MYSM1: variants seen among roughly 807,000 people sequenced by gnomAD.
MYSM1 encodes the protein Myb like, SWIRM and MPN domains 1.
MYSM1 carries 51 observed loss-of-function variants against 116.0 expected under a neutral mutation model. That is an observed-to-expected ratio of 0.44 (90% CI 0.35 to 0.56). The LOEUF is 0.56. Among genes scored for constraint, MYSM1 ranks in the 20% least tolerant of loss-of-function variants. MYSM1 has a pLI of 0.00. For synonymous variants in MYSM1, 313 were observed against 315.2 expected (o/e 0.99, Z 0.07); for missense variants, 900 against 974.9 (o/e 0.92, Z 1.02).
At chr1:58,668,332 G>A in intron 14 of MYSM1, 1 of 756,434 alleles carries the variant, frequency 1.3e-6, no homozygotes, top group Non-Finnish European at 1.7e-6. Context: ...CCAAATTACA[G>A]GAGTTGTGCT....
chr1:58,672,255 T>C (rs1644573140), intron 11 of MYSM1, among the ~76,000 whole-genome samples: 1 of 152,120 alleles, frequency 6.6e-6, no homozygotes, highest in Non-Finnish European at 1.5e-5. Flanking sequence ...GTCTTTTATT[T>C]CCCATTTCTA....
Position 58,691,634 on chromosome 1 carries a change from G to A in MYSM1, c.219-1217C>T, listed in dbSNP as rs141425979. 6.7e-3 allele frequency among the ~76,000 whole-genome samples: 1,016 copies of A among 152,206 alleles called. 6 individuals carry two copies. Among genetic ancestry groups the A allele is most frequent in the East Asian group, 0.019 (100 of 5,154 alleles). The stretch of plus-strand genomic sequence containing the variant: ...TGTAATCCCAGCACTTTGGGAGGCC[G>A]AAGCAGGTAGATCCCGAGGTCAGGA... On this transcript the variant is annotated intron_variant, in intron 3 of 19. Transcript: ENST00000472487.
At chr1:58,674,767 T>A (rs1423625748) in intron 10 of MYSM1, among the ~76,000 whole-genome samples, 2 of 151,504 alleles carry the variant, frequency 1.3e-5, no homozygotes, top group Non-Finnish European at 1.5e-5. Context: ...CTACTAAAAA[T>A]ACAAAAAAAA....
In MYSM1 at chr1:58,677,025, T is replaced by C. The variant is rs1389829182; in HGVS notation, c.1291A>G (p.Thr431Ala). Residue 431 changes from threonine to alanine, a missense_variant, in exon 9 of 20, where the codon ACC becomes GCC. Physicochemically the swap from Thr to Ala is moderately conservative, Grantham distance 58. Coordinates refer to ENST00000472487, the MANE Select transcript of MYSM1 (RefSeq NM_001085487.3). ...EICKPKYLNK[T>A]SVRPGLKNCG... ...TTCTTCAGGCCAGGACGTACTGAGG[T>C]CTTATTTAAGTATTTTGGTTTGCAT... The C allele has an allele frequency of 1.9e-6, 3 of 1,606,794 alleles. No homozygotes were observed. Among genetic ancestry groups the C allele is most frequent in the Non-Finnish European group, 2.5e-6 (3 of 1,176,552 alleles).
Position 58,677,663 on chromosome 1 carries a change from C to T in MYSM1, c.1260-607G>A, listed in dbSNP as rs12064978. On this transcript the variant is annotated intron_variant, in intron 8 of 19. Transcript: ENST00000472487. ...AATAAGAGGTTTATATAATAAAACA[C>T]GTATTTATTGAATATACTTAATGTA... Among the ~76,000 whole-genome samples the T allele has an allele frequency of 6.4e-3, 970 of 152,030 alleles. 14 individuals carry two copies. The highest frequency in any genetic ancestry group is 0.022 in the African/African-American group (909 of 41,478).
Position 58,682,201 on chromosome 1 carries a change from T to C in MYSM1, c.843A>G (p.Gln281=). Residue 281 remains glutamine (Q), a synonymous_variant, in exon 8 of 20, where the codon CAA becomes CAG. Transcript: ENST00000472487. ...AAAGTGTTTCATCTTGCTTTTCATTTTGAAGACAGCCCCTGGAAGACTTAG... is the reference window on the plus strand; with the variant it reads ...AAAGTGTTTCATCTTGCTTTTCATTCTGAAGACAGCCCCTGGAAGACTTAG... The part of the protein sequence containing the change: ...LFSKSSRGCL[Q]NEKQDETLSS... 6.2e-7 allele frequency: 1 copy of C among 1,613,040 alleles called. No individual in the cohort carries two copies. Among genetic ancestry groups the C allele is most frequent in the Non-Finnish European group, 8.5e-7 (1 of 1,179,088 alleles).
chr1:58,672,350 A>G (rs956600722), intron 11 of MYSM1, among the ~76,000 whole-genome samples: 1 of 152,118 alleles, frequency 6.6e-6, no homozygotes, highest in Non-Finnish European at 1.5e-5. Context: ...CTGGATCTAG[A>G]ATGTCTGGCC....
intron 10 of MYSM1, among the ~76,000 whole-genome samples, chr1:58,675,228 A>G (rs965454542): frequency 5.9e-5 from 9 of 152,216 alleles, no homozygotes; most frequent in South Asian, 2.1e-4. Context: ...AGACCACTTT[A>G]GGAAAACATT....
intron 1 of MYSM1, among the ~76,000 whole-genome samples, chr1:58,698,378 G>C (rs1330861928): frequency 1.3e-5 from 2 of 151,718 alleles, no homozygotes; most frequent in South Asian, 2.1e-4. Flanking sequence ...GGGATTACAG[G>C]CGTGAGCCAC....
chr1:58,671,347 T>C (rs761737805), intron 12 of MYSM1, among the ~76,000 whole-genome samples: 9 of 152,166 alleles, frequency 5.9e-5, no homozygotes, highest in Non-Finnish European at 1.2e-4. Flanking sequence ...CAGGCAAAAA[T>C]ATGATCTAGT....
In MYSM1 at chr1:58,682,191, G is replaced by C; in HGVS notation, c.853C>G (p.Gln285Glu). 2 of 1,612,766 alleles carry C rather than the reference G, an allele frequency of 1.2e-6. No homozygotes were observed. Among genetic ancestry groups the C allele is most frequent in the Admixed American group, 1.7e-5 (1 of 59,960 alleles). Residue 285 changes from glutamine to glutamate, a missense_variant, in exon 8 of 20, where the codon CAA (glutamine) becomes GAA (glutamate). By Grantham distance (29) the Gln-to-Glu change is conservative. This residue lies in a region of MYSM1 where 622 missense variants were observed against 623.7 expected (regional missense o/e 1.00). Coordinates refer to ENST00000472487, the MANE Select transcript of MYSM1 (RefSeq NM_001085487.3). The stretch of plus-strand genomic sequence containing the variant: ...TCTGAGCTTGAAAGTGTTTCATCTT[G>C]CTTTTCATTTTGAAGACAGCCCCTG... ...SSRGCLQNEK[Q>E]DETLSSSEIT...
At chr1:58,661,945 G>T (rs527999398) in intron 17 of MYSM1, among the ~76,000 whole-genome samples, 1 of 150,854 alleles carries the variant, frequency 6.6e-6, no homozygotes, top group South Asian at 2.1e-4. Flanking sequence ...AGGTTATTAA[G>T]CTTACAACAA....
intron 10 of MYSM1, among the ~76,000 whole-genome samples, chr1:58,674,599 T>G (rs534226366): frequency 2.0e-4 from 31 of 152,330 alleles, no homozygotes; most frequent in Admixed American, 5.9e-4. Context: ...TTAGTAAAAC[T>G]AACAGGATCA....
chr1:58,673,441 A>G (rs1644594598), intron 11 of MYSM1, 132 bp downstream of exon 11: 1 of 753,842 alleles, frequency 1.3e-6, no homozygotes, highest in South Asian at 1.8e-5. Context: ...TGACTTCCAG[A>G]CAAATTAACA....
chr1:58,661,310 T>C, intron 18 of MYSM1, 83 bp from the exon 19 acceptor site: 1 of 1,326,476 alleles, frequency 7.5e-7, no homozygotes, highest in Non-Finnish European at 1.1e-6. Flanking sequence ...ACGGATGCCA[T>C]ACATCACAAT....
intron 8 of MYSM1, among the ~76,000 whole-genome samples, chr1:58,677,622 C>T (rs1644674152): frequency 6.6e-6 from 1 of 151,846 alleles, no homozygotes; most frequent in African/African-American, 2.4e-5. Flanking sequence ...AAGAAACTCC[C>T]AAAGATTATG....
At chr1:58,664,299 A>G (rs988353079) in intron 17 of MYSM1, among the ~76,000 whole-genome samples, 1 of 152,192 alleles carries the variant, frequency 6.6e-6, no homozygotes, top group Admixed American at 6.6e-5. Context: ...CTAAAGAATA[A>G]TATGTATTAT....
intron 10 of MYSM1, 34 bp from the exon 11 acceptor site, chr1:58,673,684 A>G: frequency 6.4e-7 from 1 of 1,560,094 alleles, no homozygotes; most frequent in Non-Finnish European, 8.8e-7. Context: ...AAAAGGTAGC[A>G]AGATTAATAT....
Position 58,687,425 on chromosome 1 carries a change from A to G in MYSM1, c.399+1613T>C, listed in dbSNP as rs1644842816. Among the ~76,000 whole-genome samples the G allele has an allele frequency of 2.6e-5, 4 of 152,172 alleles. No homozygotes were observed. In the South Asian group the frequency reaches 8.3e-4, roughly 31 times the overall value. On this transcript the variant is annotated intron_variant, in intron 6 of 19. Transcript: ENST00000472487. The stretch of plus-strand genomic sequence containing the variant: ...ACCTTTTGAATTTTAAACCATGCAA[A>G]TGTAGTCCCCATAAGTACCACCAAC...
Sources: allele counts gnomAD v4.1 joint callset (sites outside exome capture counted in the v4.1 genomes callset), GRCh38; gene constraint gnomAD v4.1.1; regional missense constraint gnomAD v4.1.1; transcripts MANE v1.5; gene names NCBI Gene and HGNC (gene_info 2026-07-23, HGNC 2026-07-21).